The following PRKCZ variants were observed in gnomAD, a reference collection of about 807,000 sequenced individuals.
PRKCZ encodes protein kinase C zeta.
PRKCZ carries 33 observed loss-of-function variants against 79.5 expected under a neutral mutation model. The ratio of observed to expected loss-of-function variants is 0.41; its 90% CI spans 0.31 to 0.55. The LOEUF (loss-of-function observed/expected upper bound fraction) is 0.55, where lower values mean the gene tolerates loss of function less well. Among genes scored for constraint, PRKCZ ranks in the 20% least tolerant of loss-of-function variants. The pLI is 0.19. For missense variants in PRKCZ, 578 were observed against 813.5 expected (o/e 0.71, Z 3.52); for synonymous variants, 342 against 320.9 (o/e 1.07, Z -0.70).
intron 4 of PRKCZ, among the ~76,000 whole-genome samples, chr1:2,100,948 G>T (rs1439227669): frequency 6.6e-6 from 1 of 151,382 alleles, no homozygotes; most frequent in East Asian, 1.9e-4. Flanking sequence ...GGGGCTCCTG[G>T]CCAGTTCATC....
rs58233626 is a variant in PRKCZ at position 2,117,998 on chromosome 1, C to CCTTTTTTTTTTTTTTTTTTTTTT, written c.335-17264_335-17263insCTTTTTTTTTTTTTTTTTTTTTT. ...TATGAGAGAGATTAGCCTATTATTT[C>CCTTTTTTTTTTTTTTTTTTTTTT]TTTTTTTTTTTTTTTTGGAGTCTCA... On this transcript the variant is annotated intron_variant, in intron 4 of 17. Transcript: ENST00000378567. Among the ~76,000 whole-genome samples, 5 of 65,058 alleles carry CCTTTTTTTTTTTTTTTTTTTTTT rather than the reference C, an allele frequency of 7.7e-5. 2 individuals carry two copies. The highest frequency in any genetic ancestry group is 2.7e-5 in the Non-Finnish European group (1 of 36,704). The allele number at this position is 65,058 out of a possible 152,430, so 42.7% of individuals were successfully genotyped here.
At chr1:2,071,137 G>A (rs1379795382) in intron 4 of PRKCZ, among the ~76,000 whole-genome samples, 2 of 151,348 alleles carry the variant, frequency 1.3e-5, no homozygotes, top group African/African-American at 4.8e-5. Flanking sequence ...CCGGCAGGGA[G>A]CCTGCGCTGT....
At chr1:2,054,608 GCAGC>G (rs1249277795) in intron 1 of PRKCZ, among the ~76,000 whole-genome samples, 1 of 151,912 alleles carries the variant, frequency 6.6e-6, no homozygotes, top group Non-Finnish European at 1.5e-5. Context: ...TGCCGTGGCT[GCAGC>G]AACGGACCCA....
In PRKCZ at chr1:2,146,042, T is replaced by C. The variant is rs773393631; in HGVS notation, c.568T>C (p.Ser190Pro). ...TCTCCGGCAGGATTCTGTCATGCCT[T>C]CCCAAGAGCCTCCAGTAGACGACAA... ...CRKHMDSVMP[S>P]QEPPVDDKNE... is the part of the protein sequence containing the mutation. The change falls in exon 7 of 18, where the codon TCC (serine) becomes CCC (proline). Residue 190 changes from serine to proline, a missense_variant. Coordinates refer to ENST00000378567, the MANE Select transcript of PRKCZ (RefSeq NM_002744.6). 1.2e-6 allele frequency: 2 copies of C among 1,613,894 alleles called. No individual in the cohort carries two copies. Among genetic ancestry groups the C allele is most frequent in the Admixed American group, 3.3e-5 (2 of 60,026 alleles).
chr1:2,079,111 G>A (rs1662992234), intron 4 of PRKCZ, among the ~76,000 whole-genome samples: 1 of 152,194 alleles, frequency 6.6e-6, no homozygotes, highest in African/African-American at 2.4e-5. Flanking sequence ...CAAAGTGCCG[G>A]GATTACAGGC....
chr1:2,123,852 T>C (rs1320473783), intron 4 of PRKCZ, among the ~76,000 whole-genome samples: 1 of 7,486 alleles, frequency 1.3e-4, no homozygotes, highest in Non-Finnish European at 2.0e-4. Flanking sequence ...GTTAGGGTTG[T>C]GGTGGTTAGG....
chr1:2,146,257 G>A, intron 7 of PRKCZ, 149 bp downstream of exon 7: 7 of 753,188 alleles, frequency 9.3e-6, no homozygotes, highest in South Asian at 1.7e-5. Flanking sequence ...TGGGGCTGGG[G>A]ATGAGGCTCT....
At chr1:2,120,675 C>CT (rs1671712492) in intron 4 of PRKCZ, among the ~76,000 whole-genome samples, 1 of 152,060 alleles carries the variant, frequency 6.6e-6, no homozygotes, top group South Asian at 2.1e-4. Flanking sequence ...CTAATGTGCT[C>CT]TTTTTTCTGG....
At chr1:2,057,606 C>G (rs974258271) in intron 3 of PRKCZ, among the ~76,000 whole-genome samples, 1 of 152,196 alleles carries the variant, frequency 6.6e-6, no homozygotes, top group Non-Finnish European at 1.5e-5. Context: ...TGGCTCACAA[C>G]TGTAATCCCA....
chr1:2,134,050 C>T (rs372509609), intron 4 of PRKCZ: 1 of 149,952 alleles, frequency 6.7e-6, no homozygotes, highest in East Asian at 2.1e-4. Context: ...AGCCTGGCCT[C>T]GGGCTTGCTG....
At chr1:2,079,128 C>A (rs953164199) in intron 4 of PRKCZ, among the ~76,000 whole-genome samples, 1 of 152,234 alleles carries the variant, frequency 6.6e-6, no homozygotes, top group Non-Finnish European at 1.5e-5. Context: ...AGGCGTGAGC[C>A]ACTGCGCCCG....
At chr1:2,054,555 T>G (rs1490624023) in intron 1 of PRKCZ, among the ~76,000 whole-genome samples, 1 of 151,796 alleles carries the variant, frequency 6.6e-6, no homozygotes, top group South Asian at 2.1e-4. Flanking sequence ...ACACTGACTC[T>G]GTGTGACTCG....
At chr1:2,068,665 T>C (rs1170294685) in intron 4 of PRKCZ, among the ~76,000 whole-genome samples, 1 of 152,226 alleles carries the variant, frequency 6.6e-6, no homozygotes, top group Admixed American at 6.5e-5. Flanking sequence ...CGCACCACAG[T>C]TGACTACATC....
rs751275390 is a variant in PRKCZ at position 2,172,443 on chromosome 1, G to A, written c.1285+55G>A. 1.6e-4 allele frequency: 240 copies of A among 1,547,926 alleles called. No individual in the cohort carries two copies. Among genetic ancestry groups the A allele is most frequent in the Middle Eastern group, 3.4e-4 (2 of 5,828 alleles). Reference sequence around the variant, plus strand: ...AGCACACAGGGCCAGAGATGGCTTCGGGCCTGGCCCAGCAGCCAGGGAGAG... The same window carrying A: ...AGCACACAGGGCCAGAGATGGCTTCAGGCCTGGCCCAGCAGCCAGGGAGAG... On this transcript the variant is annotated intron_variant, in intron 13 of 17. Transcript: ENST00000378567. This position sits in a 1 kb window ranked among gnomAD's most constrained non-coding sequence, Gnocchi z 7.8.
chr1:2,061,983 G>A (rs893565552), intron 4 of PRKCZ, among the ~76,000 whole-genome samples: 2 of 152,096 alleles, frequency 1.3e-5, no homozygotes, highest in South Asian at 2.1e-4. Flanking sequence ...CAGTGAGAAG[G>A]GTCGGACTGG....
chr1:2,132,670 C>T (rs1675230965), intron 4 of PRKCZ, among the ~76,000 whole-genome samples: 1 of 152,206 alleles, frequency 6.6e-6, no homozygotes, highest in South Asian at 2.1e-4. Context: ...ATTTTTCAGT[C>T]CAGCATCCCT....
intron 2 of PRKCZ, among the ~76,000 whole-genome samples, chr1:2,056,113 C>G (rs1347533745): frequency 6.6e-6 from 1 of 152,206 alleles, no homozygotes; most frequent in Non-Finnish European, 1.5e-5. Context: ...TACAGCCCTG[C>G]AGGGCCTGGG....
chr1:2,123,960 C>T (rs866874380), intron 4 of PRKCZ, among the ~76,000 whole-genome samples: 1 of 11,498 alleles, frequency 8.7e-5, no homozygotes, highest in Admixed American at 9.3e-4. Flanking sequence ...AGGGTCACGG[C>T]GGTGGTTAGG....
intron 10 of PRKCZ, among the ~76,000 whole-genome samples, chr1:2,161,348 T>C (rs546349360): frequency 6.6e-5 from 10 of 152,366 alleles, no homozygotes; most frequent in African/African-American, 2.4e-4. Context: ...CTTCCCAGCA[T>C]CAGGGGCCTG....
Sources: allele counts gnomAD v4.1 joint callset (sites outside exome capture counted in the v4.1 genomes callset), GRCh38; gene constraint gnomAD v4.1.1; non-coding constraint Gnocchi (gnomAD v3.1); transcripts MANE v1.5; gene names NCBI Gene and HGNC (gene_info 2026-07-23, HGNC 2026-07-21).